ALK: variants seen among roughly 807,000 people sequenced by gnomAD.
ALK encodes ALK receptor tyrosine kinase, also known as ALK tyrosine kinase receptor.
Under a neutral mutation model 163.1 loss-of-function variants are expected in ALK, and 74 were observed. The ratio of observed to expected loss-of-function variants is 0.45; its 90% confidence interval spans 0.38 to 0.55. ALK has a LOEUF of 0.55. Ranked by LOEUF, ALK falls within the 20% of genes least tolerant of loss-of-function variation. The pLI is 0.00. For synonymous variants in ALK, 960 were observed against 843.2 expected (o/e 1.14, Z -2.40); for missense variants, 2,063 against 2,105.3 (o/e 0.98, Z 0.39).
chr2:29,428,458 A>C (rs1380743107), intron 4 of ALK, among the ~76,000 whole-genome samples: 2 of 151,946 alleles, frequency 1.3e-5, no homozygotes, highest in Non-Finnish European at 2.9e-5. Context: ...CAAAAATAAA[A>C]AGGATTATAA....
At chr2:29,836,520 C>G (rs926541674) in intron 1 of ALK, among the ~76,000 whole-genome samples, 23 of 152,152 alleles carry the variant, frequency 1.5e-4, no homozygotes, top group African/African-American at 5.6e-4. Context: ...GCTCACAACT[C>G]CCTAGCCAGA....
In ALK at chr2:29,352,806, G is replaced by A. The variant is rs78267356; in HGVS notation, c.1283-24325C>T. 2.6e-5 allele frequency among the ~76,000 whole-genome samples: 4 copies of A among 152,342 alleles called. No homozygotes were observed. In the East Asian group the frequency reaches 5.8e-4, roughly 22 times the overall value. On this transcript the variant is annotated intron_variant, in intron 5 of 28. Coordinates refer to ENST00000389048, the MANE Select transcript of ALK (RefSeq NM_004304.5). ...GTCCAGAAAGGGTTGAGGGATGGGA[G>A]TGAAACTGCCTTTGCAAAAATCATA...
intron 3 of ALK, among the ~76,000 whole-genome samples, chr2:29,678,678 A>ATAATTTTAATTTTAATTAAATTTAAATT (rs1220483568): frequency 2.0e-5 from 3 of 151,386 alleles, no homozygotes; most frequent in Non-Finnish European, 3.0e-5. Context: ...TTTTACTTGC[A>ATAATTTTAATTTTAATTAAATTTAAATT]TAATTTTAAT....
intron 3 of ALK, among the ~76,000 whole-genome samples, chr2:29,542,893 C>A (rs1673450675): frequency 1.3e-5 from 2 of 152,092 alleles, no homozygotes; most frequent in African/African-American, 2.4e-5. Flanking sequence ...TTTATTATTT[C>A]TCTGATAATT....
intron 4 of ALK, among the ~76,000 whole-genome samples, chr2:29,517,581 T>C (rs906532288): frequency 3.3e-5 from 5 of 152,146 alleles, no homozygotes; most frequent in African/African-American, 1.2e-4. Flanking sequence ...GAAAAAGCAT[T>C]AATCAGGCTA....
intron 4 of ALK, among the ~76,000 whole-genome samples, chr2:29,531,060 C>A (rs538312161): frequency 6.6e-6 from 1 of 152,280 alleles, no homozygotes; most frequent in South Asian, 2.1e-4. Flanking sequence ...TGGGGATGGA[C>A]AATGGGTAAC....
At chr2:29,498,021 A>T (rs1207319712) in intron 4 of ALK, among the ~76,000 whole-genome samples, 1 of 152,170 alleles carries the variant, frequency 6.6e-6, no homozygotes, top group African/African-American at 2.4e-5. Flanking sequence ...ATTACTACTA[A>T]CTTCATTAGG....
At chr2:29,825,784 A>G (rs748720266) in intron 1 of ALK, among the ~76,000 whole-genome samples, 1 of 152,166 alleles carries the variant, frequency 6.6e-6, no homozygotes, top group Non-Finnish European at 1.5e-5. Context: ...AGGCCAGTGC[A>G]GTGGTCCAGG....
chr2:29,780,563 G>A (rs1681305628), intron 1 of ALK, among the ~76,000 whole-genome samples: 1 of 152,192 alleles, frequency 6.6e-6, no homozygotes, highest in East Asian at 1.9e-4. Flanking sequence ...GGGCCTAACT[G>A]CAACATGACA....
chr2:29,354,290 G>T (rs1472516432), intron 5 of ALK, among the ~76,000 whole-genome samples: 1 of 152,150 alleles, frequency 6.6e-6, no homozygotes, highest in Non-Finnish European at 1.5e-5. Flanking sequence ...CTCCTTCCTG[G>T]CTGTGATAGA....
intron 7 of ALK, 50 bp from the exon 8 acceptor site, chr2:29,318,454 G>A (rs757784838): frequency 7.6e-7 from 1 of 1,316,370 alleles, no homozygotes; most frequent in Admixed American, 1.7e-5. Context: ...GGAACTGGGG[G>A]ACCAGGGGTG....
At chr2:29,830,058 C>A (rs1268699178) in intron 1 of ALK, among the ~76,000 whole-genome samples, 1 of 152,178 alleles carries the variant, frequency 6.6e-6, no homozygotes, top group African/African-American at 2.4e-5. Context: ...CACTGGCTGC[C>A]GAGAAGTTTA....
At chr2:29,323,602 G>C (rs749483524) in intron 6 of ALK, among the ~76,000 whole-genome samples, 47 of 152,186 alleles carry the variant, frequency 3.1e-4, no homozygotes, top group Non-Finnish European at 6.0e-4. Context: ...GGAGGAAGGA[G>C]AGCTGAGGAT....
In ALK at chr2:29,329,637, G is replaced by A. The variant is rs943083169; in HGVS notation, c.1283-1156C>T. On this transcript the variant is annotated intron_variant, in intron 5 of 28. Coordinates refer to ENST00000389048, the MANE Select transcript of ALK (RefSeq NM_004304.5). ...CAGCCTCTCTGAGCCTCACATGGGG[G>A]TGGGGCCTTTCCAACTCTGGCTGCA... is the stretch of plus-strand genomic sequence containing the variant. Among the ~76,000 whole-genome samples, 5 of 152,228 alleles carry A rather than the reference G, an allele frequency of 3.3e-5. No individual in the cohort carries two copies. The East Asian group carries it at 9.6e-4, about 29-fold the overall frequency.
chr2:29,781,829 C>T (rs748819830), intron 1 of ALK, among the ~76,000 whole-genome samples: 4 of 152,186 alleles, frequency 2.6e-5, no homozygotes, highest in Non-Finnish European at 4.4e-5. Context: ...ACCTGTCCTA[C>T]GACACAAAAT....
At chr2:29,904,901 G>T (rs879462011) in intron 1 of ALK, among the ~76,000 whole-genome samples, 1 of 152,206 alleles carries the variant, frequency 6.6e-6, no homozygotes, top group Non-Finnish European at 1.5e-5. Context: ...ATTACACTCT[G>T]TCTGGGGGAT....
rs200841832 is a variant in ALK at position 29,559,218 on chromosome 2, A to G, written c.953-27102T>C. ...TAACGGCCTTTCCAGGAATCTGTAT[A>G]TTGAAGGGAATCCATCTGATGGCCT... On this transcript the variant is annotated intron_variant, in intron 3 of 28. Coordinates refer to ENST00000389048, the MANE Select transcript of ALK (RefSeq NM_004304.5). Among the ~76,000 whole-genome samples the G allele has an allele frequency of 2.0e-4, 31 of 152,292 alleles. No homozygotes were observed. The East Asian group carries it at 5.4e-3, about 27-fold the overall frequency.
At chr2:29,289,167 G>C (rs1665950352) in intron 9 of ALK, among the ~76,000 whole-genome samples, 1 of 152,020 alleles carries the variant, frequency 6.6e-6, no homozygotes, top group Non-Finnish European at 1.5e-5. Context: ...GGTTCAGTGA[G>C]AATGCCATCC....
intron 2 of ALK, among the ~76,000 whole-genome samples, chr2:29,699,392 C>T (rs1321529269): frequency 6.6e-6 from 1 of 152,124 alleles, no homozygotes; most frequent in Non-Finnish European, 1.5e-5. Context: ...TTTTCTTGCC[C>T]CCAAATGAAA....
Sources: gnomAD v4.1 joint callset for allele counts (sites outside exome capture counted in the v4.1 genomes callset) on GRCh38, gnomAD v4.1.1 for gene constraint, MANE v1.5 for transcripts, NCBI Gene and HGNC (gene_info 2026-07-23, HGNC 2026-07-21) for gene names.